Variants in ASTN2 observed in about 807,000 individuals in gnomAD.
ASTN2 encodes astrotactin-2.
A neutral mutation model predicts 139.8 loss-of-function variants in ASTN2; 54 were observed. The ratio of observed to expected loss-of-function variants is 0.39; its 90% CI spans 0.31 to 0.48. The LOEUF (loss-of-function observed/expected upper bound fraction) is 0.48, where lower values mean the gene tolerates loss of function less well. Among genes scored for constraint, ASTN2 ranks in the 20% least tolerant of loss-of-function variants. ASTN2 has a pLI of 0.95. For synonymous variants in ASTN2, 756 were observed against 719.5 expected, an observed-to-expected ratio of 1.05 and a Z score of -0.81; for missense variants, 1,565 against 1,725.1, an observed-to-expected ratio of 0.91 and a Z score of 1.64.
At chr9:116,805,540 G>T in intron 13 of ASTN2, 92 bp downstream of exon 13, 1 of 1,186,524 alleles carries the variant, frequency 8.4e-7, no homozygotes, top group Non-Finnish European at 1.2e-6. Flanking sequence ...AGAATAACAG[G>T]TCTCTACCCC....
intron 16 of ASTN2, among the ~76,000 whole-genome samples, chr9:116,682,320 A>C (rs1479537357): frequency 6.6e-6 from 1 of 152,216 alleles, no homozygotes; most frequent in Non-Finnish European, 1.5e-5. Context: ...TCAAAACCAC[A>C]ATGAGATACC....
chr9:116,549,788 C>G (rs1852263845), intron 19 of ASTN2, among the ~76,000 whole-genome samples: 1 of 152,128 alleles, frequency 6.6e-6, no homozygotes, highest in African/African-American at 2.4e-5. Flanking sequence ...CCCACAGATA[C>G]CCTGCCTCAC....
At chr9:116,842,708 G>A (rs111463270) in intron 11 of ASTN2, among the ~76,000 whole-genome samples, 144 of 150,116 alleles carry the variant, frequency 9.6e-4, no homozygotes, top group African/African-American at 3.3e-3. Flanking sequence ...GCTGGACTTC[G>A]GTGCTCACAA....
At chr9:116,645,095 A>C (rs1194428313) in intron 17 of ASTN2, among the ~76,000 whole-genome samples, 1 of 152,222 alleles carries the variant, frequency 6.6e-6, no homozygotes, top group Non-Finnish European at 1.5e-5. Flanking sequence ...ACAAATAAGT[A>C]AAAGTCAGAT....
intron 14 of ASTN2, among the ~76,000 whole-genome samples, chr9:116,730,922 G>A (rs981642545): frequency 2.6e-5 from 4 of 152,124 alleles, no homozygotes; most frequent in African/African-American, 9.7e-5. Flanking sequence ...CCAATGGAAT[G>A]GATGTCAGCT....
rs140474869 is a variant in ASTN2 at position 117,306,737 on chromosome 9, AG to A, written c.443-15225del. ...TATTATTTATCTGAGAATAGGAACT[AG>A]GAGAAGGGGGGCCCATCTAGCTGGT... On this transcript the variant is annotated intron_variant, in intron 1 of 22. Coordinates refer to ENST00000313400, the MANE Select transcript of ASTN2 (RefSeq NM_001365068.1). Among the ~76,000 whole-genome samples, 684 of 152,306 alleles carry A rather than the reference AG, an allele frequency of 4.5e-3. 4 individuals are homozygous for A. Among genetic ancestry groups the A allele is most frequent in the African/African-American group, 0.016 (648 of 41,564 alleles).
At chr9:117,106,992 G>T (rs1829123919) in intron 4 of ASTN2, among the ~76,000 whole-genome samples, 1 of 152,072 alleles carries the variant, frequency 6.6e-6, no homozygotes, top group Non-Finnish European at 1.5e-5. Context: ...ATACCCAAAT[G>T]ATACTGGTGA....
At chr9:117,186,026 G>A (rs1369193478) in intron 3 of ASTN2, among the ~76,000 whole-genome samples, 1 of 152,134 alleles carries the variant, frequency 6.6e-6, no homozygotes, top group African/African-American at 2.4e-5. Flanking sequence ...AGAATTTCAA[G>A]GTCACACAGA....
chr9:117,255,369 C>A (rs1420563557), intron 2 of ASTN2, among the ~76,000 whole-genome samples: 1 of 152,184 alleles, frequency 6.6e-6, no homozygotes, highest in African/African-American at 2.4e-5. Context: ...TGCTAAAGCA[C>A]CTTACACACA....
At chr9:117,124,383 TA>T (rs1256658832) in intron 4 of ASTN2, among the ~76,000 whole-genome samples, 1 of 152,068 alleles carries the variant, frequency 6.6e-6, no homozygotes, top group African/African-American at 2.4e-5. Flanking sequence ...GTATTTGCCA[TA>T]ACAGGAAAAA....
chr9:117,169,005 C>T (rs1233635961), intron 3 of ASTN2, among the ~76,000 whole-genome samples: 2 of 152,102 alleles, frequency 1.3e-5, no homozygotes, highest in African/African-American at 4.8e-5. Flanking sequence ...TCAATATCCT[C>T]AGCTGTAACA....
Position 117,098,343 on chromosome 9 carries a change from G to A in ASTN2, c.1169-2192C>T, listed in dbSNP as rs375322810. Among the ~76,000 whole-genome samples, 9 of 152,162 alleles carry A rather than the reference G, an allele frequency of 5.9e-5. No individual in the cohort carries two copies. In the South Asian group the frequency reaches 8.3e-4, roughly 14 times the overall value. ...CTAATAATGAGTGAAGGTGGACTTC[G>A]AAACCAGGTGGAACTAATGCCCAAG... On this transcript the variant is annotated intron_variant, in intron 4 of 22. Transcript: ENST00000313400.
chr9:116,662,042 G>T (rs1053530339), intron 16 of ASTN2, among the ~76,000 whole-genome samples: 11 of 150,938 alleles, frequency 7.3e-5, no homozygotes, highest in African/African-American at 2.7e-4. Flanking sequence ...ATATATAAAA[G>T]GTGACAAGGC....
At chr9:117,166,546 G>A (rs1203668258) in intron 3 of ASTN2, among the ~76,000 whole-genome samples, 1 of 152,054 alleles carries the variant, frequency 6.6e-6, no homozygotes, top group Non-Finnish European at 1.5e-5. Flanking sequence ...CCTTTGTGAA[G>A]CAAAACAAGC....
intron 2 of ASTN2, among the ~76,000 whole-genome samples, chr9:117,233,590 G>A (rs563624073): frequency 6.6e-6 from 1 of 152,234 alleles, no homozygotes; most frequent in Admixed American, 6.5e-5. Context: ...AGTCTGTTAA[G>A]CAAATTTCTG....
chr9:117,237,104 G>A (rs1226819903), intron 2 of ASTN2, among the ~76,000 whole-genome samples: 1 of 152,124 alleles, frequency 6.6e-6, no homozygotes, highest in African/African-American at 2.4e-5. Context: ...TACCCACTTA[G>A]AGTATATTAT....
At chr9:116,868,705 A>T (rs1303876262) in intron 10 of ASTN2, among the ~76,000 whole-genome samples, 3 of 152,188 alleles carry the variant, frequency 2.0e-5, no homozygotes, top group Non-Finnish European at 4.4e-5. Flanking sequence ...GAAGTCCAAA[A>T]TCAGGGTTTG....
chr9:117,060,485 G>A (rs1303297117), intron 5 of ASTN2, among the ~76,000 whole-genome samples: 2 of 78,562 alleles, frequency 2.5e-5, no homozygotes, highest in Non-Finnish European at 5.0e-5. Flanking sequence ...AGGAAGGAAG[G>A]AATGAAAGAA....
chr9:117,308,719 G>A (rs1481847456), intron 1 of ASTN2, among the ~76,000 whole-genome samples: 3 of 151,736 alleles, frequency 2.0e-5, no homozygotes, highest in Non-Finnish European at 2.9e-5. Context: ...AAGAGGAGGA[G>A]AAAAAGGAGA....
Sources: gnomAD v4.1 joint callset for allele counts (sites outside exome capture counted in the v4.1 genomes callset) on GRCh38, gnomAD v4.1.1 for gene constraint, MANE v1.5 for transcripts, NCBI Gene and HGNC (gene_info 2026-07-23, HGNC 2026-07-21) for gene names.